The following SOWAHC variants were observed in gnomAD, a reference collection of about 807,000 sequenced individuals.
SOWAHC encodes the protein ankyrin repeat domain-containing protein SOWAHC.
Under a neutral mutation model 14.4 loss-of-function variants are expected in SOWAHC, and 12 were observed. That is an observed-to-expected ratio of 0.83 (90% confidence interval 0.53 to 1.35). SOWAHC has a LOEUF of 1.35. Ranked by LOEUF, SOWAHC falls within the 40% of genes most tolerant of loss-of-function variation. The pLI is 0.00. For missense variants in SOWAHC, 771 were observed against 752.8 expected, an observed-to-expected ratio of 1.02 and a Z score of -0.28; for synonymous variants, 398 against 347.0, an observed-to-expected ratio of 1.15 and a Z score of -1.63.
Position 109,615,133 on chromosome 2 carries a change from A to C in SOWAHC, c.644A>C (p.Gln215Pro), listed in dbSNP as rs1374451941. 86 of 1,549,600 alleles carry C rather than the reference A, an allele frequency of 5.5e-5. No homozygotes were observed. Among genetic ancestry groups the C allele is most frequent in the Non-Finnish European group, 7.0e-5 (80 of 1,146,808 alleles). Residue 215 changes from glutamine (Q) to proline (P), a missense_variant, in exon 1 of 1, where the codon CAG (glutamine) becomes CCG (proline). Transcript: ENST00000356454. The part of the protein sequence containing the change: ...LRDLVMGSSP[Q>P]LKRSVCPGGS... ...GACCTGGTGATGGGCAGCTCCCCGC[A>C]GCTGAAGAGGAGCGTGTGTCCCGGG...
chr2:109,614,391 C>T lies in SOWAHC; in HGVS notation c.-99C>T, dbSNP rs1474143375. 17 of 953,562 alleles carry T rather than the reference C, an allele frequency of 1.8e-5. No individual in the cohort carries two copies. The highest frequency in any genetic ancestry group is 2.3e-5 in the Non-Finnish European group (17 of 744,960). 59.1% of individuals were successfully genotyped at this position (953,562 alleles called of 1,614,324 possible). On this transcript the variant is annotated 5_prime_UTR_variant, in exon 1 of 1. Coordinates refer to ENST00000356454, the MANE Select transcript of SOWAHC (RefSeq NM_023016.4). The stretch of plus-strand genomic sequence containing the variant: ...ACGCGTAGGCTGGCAGCCCGCTGAG[C>T]CCGCCAGACTCCGCCGCCGTCGGGA...
rs1700009503 is a variant in SOWAHC at position 109,614,623 on chromosome 2, A to C, written c.134A>C (p.Glu45Ala). Residue 45 changes from glutamate (E) to alanine (A), a missense_variant, in exon 1 of 1, where the codon GAA (glutamate) becomes GCA (alanine). Transcript: ENST00000356454. The stretch of plus-strand genomic sequence containing the variant: ...CACTTCAGGGGCGCCCTAGGCGGCG[A>C]ACCGGAGCAGCGCGCCCGCGCCCGC... ...VQHFRGALGGEPEQRARARAH... is the reference protein window; with the variant it reads ...VQHFRGALGGAPEQRARARAH... 6.8e-7 allele frequency: 1 copy of C among 1,462,748 alleles called. No individual in the cohort carries two copies. Among genetic ancestry groups the C allele is most frequent in the Non-Finnish European group, 9.0e-7 (1 of 1,111,398 alleles). 90.6% of individuals were successfully genotyped at this position (1,462,748 alleles called of 1,614,324 possible).
Position 109,615,798 on chromosome 2 carries a change from G to GACCATCACC in SOWAHC, c.1321_1329dup (p.His441_His443dup), listed in dbSNP as rs746541329. On this transcript the variant is annotated inframe_insertion, in exon 1 of 1. Transcript: ENST00000356454. Reference sequence around the variant, plus strand: ...CTCACACGCCCTAGAAGATGGAGGGGACCATCACCACCATCACCACTCGGC... The same window carrying GACCATCACC: ...CTCACACGCCCTAGAAGATGGAGGGGACCATCACCACCATCACCACCATCACCACTCGGC... 5 of 1,614,122 alleles carry GACCATCACC rather than the reference G, an allele frequency of 3.1e-6. No homozygotes were observed. The highest frequency in any genetic ancestry group is 1.7e-5 in the Admixed American group (1 of 60,028).
Position 109,618,472 on chromosome 2 carries a change from A to G in SOWAHC, c.*2405A>G, listed in dbSNP as rs1288910145. On this transcript the variant is annotated 3_prime_UTR_variant, in exon 1 of 1. Coordinates refer to ENST00000356454, the MANE Select transcript of SOWAHC (RefSeq NM_023016.4). ...CCATGGTTTTCCCACTGAAGGCTTT[A>G]ACTTTTCTGATAAAATAATATTTTA... The G allele has an allele frequency of 6.0e-6, 1 of 167,106 alleles. No homozygotes were observed. Among genetic ancestry groups the G allele is most frequent in the Non-Finnish European group, 1.5e-5 (1 of 68,132 alleles). The allele number at this position is 167,106 out of a possible 1,614,324, so 10.4% of individuals were successfully genotyped here. A position where few individuals can be genotyped will look rare whatever the true frequency, so the allele number is the denominator to read the frequency against.
chr2:109,614,458 C>A lies in SOWAHC; in HGVS notation c.-32C>A. ...CCGTCGCTATGGGACCGCGCTGAGC[C>A]GCCCGCTGGCGGGGGAGCAGCGCGG... On this transcript the variant is annotated 5_prime_UTR_variant, in exon 1 of 1. Coordinates refer to ENST00000356454, the MANE Select transcript of SOWAHC (RefSeq NM_023016.4). 8.2e-7 allele frequency: 1 copy of A among 1,212,374 alleles called. No individual in the cohort carries two copies. The highest frequency in any genetic ancestry group is 1.0e-6 in the Non-Finnish European group (1 of 975,268). The allele number at this position is 1,212,374 out of a possible 1,614,324, so 75.1% of individuals were successfully genotyped here.
Position 109,616,016 on chromosome 2 carries a change from TAA to T in SOWAHC, c.1529_1530del (p.Lys510ArgfsTer33). 9.2e-6 allele frequency: 14 copies of T among 1,525,854 alleles called. No homozygotes were observed. Among genetic ancestry groups the T allele is most frequent in the Non-Finnish European group, 1.2e-5 (14 of 1,139,936 alleles). 94.5% of individuals were successfully genotyped at this position (1,525,854 alleles called of 1,614,324 possible). ...AGGGAGTGGGGGAGGAACGACCTGT[TAA>T]AGGCCACTCGCCCTTCACATTGAGA... ...EEGVGEERPV[K>X]GHSPFTLRPK... is the part of the protein sequence containing the mutation. On this transcript the variant is annotated frameshift_variant, in exon 1 of 1. Transcript: ENST00000356454. LOFTEE classifies it high-confidence loss of function.
rs769979961 is a variant in SOWAHC at position 109,615,038 on chromosome 2, C to T, written c.549C>T (p.Cys183=). 2.8e-5 allele frequency: 43 copies of T among 1,548,006 alleles called. No homozygotes were observed. The highest frequency in any genetic ancestry group is 3.7e-5 in the Non-Finnish European group (42 of 1,146,628). ...SEDLELPPHG[C]EEADRGSSLV... Reference sequence around the variant, plus strand: ...ACCTGGAGCTCCCGCCACATGGCTGCGAGGAGGCGGACAGGGGCAGCTCCC... The same window carrying T: ...ACCTGGAGCTCCCGCCACATGGCTGTGAGGAGGCGGACAGGGGCAGCTCCC... Residue 183 remains cysteine, a synonymous_variant, in exon 1 of 1, where the codon TGC becomes TGT. Coordinates refer to ENST00000356454, the MANE Select transcript of SOWAHC (RefSeq NM_023016.4).
At position 109,617,055 on chromosome 2, in the gene SOWAHC, A is replaced by G. The variant is rs924286587; in HGVS notation, c.*988A>G. Reference sequence around the variant, plus strand: ...ATAATTAGCACAAATTGGCCTAAGTATTCATGAGCCCATGTTTCTGTGAAG... The same window carrying G: ...ATAATTAGCACAAATTGGCCTAAGTGTTCATGAGCCCATGTTTCTGTGAAG... On this transcript the variant is annotated 3_prime_UTR_variant, in exon 1 of 1. Coordinates refer to ENST00000356454, the MANE Select transcript of SOWAHC (RefSeq NM_023016.4). The G allele has an allele frequency of 9.0e-5, 15 of 167,044 alleles. No homozygotes were observed. Among genetic ancestry groups the G allele is most frequent in the African/African-American group, 3.4e-4 (14 of 41,478 alleles). The allele number at this position is 167,044 out of a possible 1,614,324, so 10.3% of individuals were successfully genotyped here.
rs1700132425 is a variant in SOWAHC, at chr2:109,615,871, C to A, written c.1382C>A (p.Ser461Ter). ...GKAKDPGRKA[S>*]GSSSGRIKPR... ...GCCAAGGATCCAGGGCGCAAAGCCT[C>A]GGGCAGCTCTAGTGGACGTATAAAA... The change falls in exon 1 of 1, where the codon TCG becomes TAG. Residue 461 changes from serine to a stop codon, truncating the protein, a stop_gained. Coordinates refer to ENST00000356454, the MANE Select transcript of SOWAHC (RefSeq NM_023016.4). LOFTEE classifies it high-confidence loss of function. The A allele has an allele frequency of 6.2e-7, 1 of 1,613,910 alleles. No homozygotes were observed. The highest frequency in any genetic ancestry group is 8.5e-7 in the Non-Finnish European group (1 of 1,179,940).
rs1558939719 is a variant in SOWAHC, at chr2:109,615,224, A to G, written c.735A>G (p.Ala245=). Residue 245 remains alanine, a synonymous_variant, in exon 1 of 1, where the codon GCA becomes GCG. Coordinates refer to ENST00000356454, the MANE Select transcript of SOWAHC (RefSeq NM_023016.4). Reference sequence around the variant, plus strand: ...GAGGCGGGGGCGACTCAGACAGCGCATCGGTGGCCTCGTCGTCCGCGGAGG... The same window carrying G: ...GAGGCGGGGGCGACTCAGACAGCGCGTCGGTGGCCTCGTCGTCCGCGGAGG... ...RGRGGGDSDS[A]SVASSSAEEE... 1.3e-6 allele frequency: 2 copies of G among 1,547,222 alleles called. No homozygotes were observed. Among genetic ancestry groups the G allele is most frequent in the South Asian group, 2.4e-5 (2 of 83,998 alleles).
chr2:109,614,998 C>CG lies in SOWAHC; in HGVS notation c.513dup (p.Pro172AlafsTer36). On this transcript the variant is annotated frameshift_variant, in exon 1 of 1. Coordinates refer to ENST00000356454, the MANE Select transcript of SOWAHC (RefSeq NM_023016.4). LOFTEE classifies it low-confidence loss of function (END_TRUNC). The stretch of plus-strand genomic sequence containing the variant: ...CAGCCCCTACCGCGGACTCCAGCCC[C>CG]GGGGCCCAGCGAGGACCTGGAGCTC... 6.5e-7 allele frequency: 1 copy of CG among 1,543,404 alleles called. No individual in the cohort carries two copies. The highest frequency in any genetic ancestry group is 1.2e-5 in the South Asian group (1 of 83,902).
rs1700064189 is a variant in SOWAHC, at chr2:109,615,114, G to C, written c.625G>C (p.Val209Leu). 6.5e-7 allele frequency: 1 copy of C among 1,549,688 alleles called. No homozygotes were observed. Among genetic ancestry groups the C allele is most frequent in the Non-Finnish European group, 8.7e-7 (1 of 1,146,810 alleles). ...RPARQNLRDLVMGSSPQLKRS... is the reference protein window; with the variant it reads ...RPARQNLRDLLMGSSPQLKRS... ...GGCCCGCCAGAACCTCCGTGACCTG[G>C]TGATGGGCAGCTCCCCGCAGCTGAA... The change falls in exon 1 of 1, where the codon GTG (valine) becomes CTG (leucine). Residue 209 changes from valine to leucine, a missense_variant. Val to Leu is a conservative substitution (Grantham distance 32, BLOSUM62 1). Coordinates refer to ENST00000356454, the MANE Select transcript of SOWAHC (RefSeq NM_023016.4).
Position 109,616,515 on chromosome 2 carries a change from T to C in SOWAHC, c.*448T>C, listed in dbSNP as rs1700154937. On this transcript the variant is annotated 3_prime_UTR_variant, in exon 1 of 1. Coordinates refer to ENST00000356454, the MANE Select transcript of SOWAHC (RefSeq NM_023016.4). ...TGAAACTACATTGTATTTCTAAGTGTGAAAACGACAGGCTGCCCCGTTTTT... is the reference window on the plus strand; with the variant it reads ...TGAAACTACATTGTATTTCTAAGTGCGAAAACGACAGGCTGCCCCGTTTTT... 1 of 167,360 alleles carries C rather than the reference T, an allele frequency of 6.0e-6. No homozygotes were observed. Among genetic ancestry groups the C allele is most frequent in the African/African-American group, 2.4e-5 (1 of 41,472 alleles). 10.4% of individuals were successfully genotyped at this position (167,360 alleles called of 1,614,324 possible). A position where few individuals can be genotyped will look rare whatever the true frequency, so the allele number is the denominator to read the frequency against.
chr2:109,618,664 A>T lies in SOWAHC; in HGVS notation c.*2597A>T, dbSNP rs1208311035. The T allele has an allele frequency of 6.0e-6, 1 of 166,956 alleles. No individual in the cohort carries two copies. The highest frequency in any genetic ancestry group is 1.5e-5 in the Non-Finnish European group (1 of 68,114). The allele number at this position is 166,956 out of a possible 1,614,324, so 10.3% of individuals were successfully genotyped here. A position where few individuals can be genotyped will look rare whatever the true frequency, so the allele number is the denominator to read the frequency against. On this transcript the variant is annotated 3_prime_UTR_variant, in exon 1 of 1. Coordinates refer to ENST00000356454, the MANE Select transcript of SOWAHC (RefSeq NM_023016.4). ...AAATGATTGATATAATTTGATATTC[A>T]TAGAGTTGTGCCTACCTTTAATGGA...
chr2:109,615,837 G>T lies in SOWAHC; in HGVS notation c.1348G>T (p.Gly450Ter), dbSNP rs1220913948. 1.2e-6 allele frequency: 2 copies of T among 1,614,130 alleles called. No homozygotes were observed. Among genetic ancestry groups the T allele is most frequent in the Non-Finnish European group, 1.7e-6 (2 of 1,180,032 alleles). ...TCACCACTCGGCTGAGGGGTGGGTC[G>T]GAGGCAAAGCCAAGGATCCAGGGCG... ...HHHHSAEGWVGGKAKDPGRKA... is the reference protein window; with the variant it reads ...HHHHSAEGWV The change falls in exon 1 of 1, where the codon GGA (glycine) becomes TGA (stop). Residue 450 changes from glycine to a stop codon, truncating the protein, a stop_gained. Transcript: ENST00000356454. LOFTEE classifies it high-confidence loss of function.
chr2:109,614,583 G>C lies in SOWAHC; in HGVS notation c.94G>C (p.Ala32Pro). 1 of 1,407,972 alleles carries C rather than the reference G, an allele frequency of 7.1e-7. No individual in the cohort carries two copies. Among genetic ancestry groups the C allele is most frequent in the Non-Finnish European group, 9.2e-7 (1 of 1,083,450 alleles). The allele number at this position is 1,407,972 out of a possible 1,614,324, so 87.2% of individuals were successfully genotyped here. The change falls in exon 1 of 1, where the codon GCC becomes CCC. Residue 32 changes from alanine (A) to proline (P), a missense_variant. Transcript: ENST00000356454. ...GGAGCGCGGGGGCCGGGCCCTGCAC[G>C]CCGAGCTGGTGCAGCACTTCAGGGG... The part of the protein sequence containing the change: ...LAERGGRALH[A>P]ELVQHFRGAL...
Position 109,615,916 on chromosome 2 carries a change from G to T in SOWAHC, c.1427G>T (p.Arg476Leu), listed in dbSNP as rs1473274263. 2 of 1,609,302 alleles carry T rather than the reference G, an allele frequency of 1.2e-6. No individual in the cohort carries two copies. Among genetic ancestry groups the T allele is most frequent in the Non-Finnish European group, 1.7e-6 (2 of 1,177,876 alleles). The change falls in exon 1 of 1, where the codon CGA (arginine) becomes CTA (leucine). Residue 476 changes from arginine to leucine, a missense_variant. Coordinates refer to ENST00000356454, the MANE Select transcript of SOWAHC (RefSeq NM_023016.4). The part of the protein sequence containing the change: ...GRIKPRLNKI[R>L]FRTQIVHTTP... ...ATAAAACCCAGACTCAACAAAATCCGATTCAGAACCCAGATCGTCCACACC... is the reference window on the plus strand; with the variant it reads ...ATAAAACCCAGACTCAACAAAATCCTATTCAGAACCCAGATCGTCCACACC...
At position 109,618,003 on chromosome 2, in the gene SOWAHC, G is replaced by A. The variant is rs1399083175; in HGVS notation, c.*1936G>A. 1 of 154,128 alleles carries A rather than the reference G, an allele frequency of 6.5e-6. No homozygotes were observed. The highest frequency in any genetic ancestry group is 7.3e-5 in the Admixed American group (1 of 13,774). 9.5% of individuals were successfully genotyped at this position (154,128 alleles called of 1,614,324 possible). A position where few individuals can be genotyped will look rare whatever the true frequency, so the allele number is the denominator to read the frequency against. On this transcript the variant is annotated 3_prime_UTR_variant, in exon 1 of 1. Transcript: ENST00000356454. ...ACACTGCACTCCAGCCTGGGCAACGGAGACTCTGTCTCAAAAAAAAAAAAA... is the reference window on the plus strand; with the variant it reads ...ACACTGCACTCCAGCCTGGGCAACGAAGACTCTGTCTCAAAAAAAAAAAAA...
rs577127199 is a variant in SOWAHC, at chr2:109,618,213, A to G, written c.*2146A>G. 6.0e-6 allele frequency: 1 copy of G among 166,974 alleles called. No homozygotes were observed. Among genetic ancestry groups the G allele is most frequent in the African/African-American group, 2.4e-5 (1 of 41,550 alleles). The allele number at this position is 166,974 out of a possible 1,614,324, so 10.3% of individuals were successfully genotyped here. On this transcript the variant is annotated 3_prime_UTR_variant, in exon 1 of 1. Coordinates refer to ENST00000356454, the MANE Select transcript of SOWAHC (RefSeq NM_023016.4). ...AAGGTGAAAAGTAGTCATTTGTTCT[A>G]AATCTATACATATTACTTGTATCTA...
Sources: allele counts gnomAD v4.1 joint callset, GRCh38; gene constraint gnomAD v4.1.1; transcripts MANE v1.5; gene names NCBI Gene and HGNC (gene_info 2026-07-23, HGNC 2026-07-21).